CTPS2: variants seen among roughly 807,000 people sequenced by gnomAD.
The protein encoded by CTPS2 is CTP synthase II.
Under a neutral mutation model 46.8 loss-of-function variants are expected in CTPS2, and 19 were observed. The ratio of observed to expected loss-of-function variants is 0.41; its 90% CI spans 0.28 to 0.60. CTPS2 has a LOEUF of 0.60. Ranked by LOEUF, CTPS2 falls within the 20% of genes least tolerant of loss-of-function variation. The pLI is 0.35. For missense variants in CTPS2, 286 were observed against 447.6 expected (o/e 0.64, Z 3.26); for synonymous variants, 151 against 165.2 (o/e 0.91, Z 0.66).
At chrX:16,605,646 C>T (rs975003805) in intron 17 of CTPS2, among the ~76,000 whole-genome samples, 12 of 111,452 alleles carry the variant, frequency 1.1e-4, no homozygotes, top group Non-Finnish European at 1.7e-4. Flanking sequence ...TGCTTGAACC[C>T]GGGAGGTGGA....
Position 16,628,531 on chromosome X carries a change from A to G in CTPS2, c.1394-8199T>C, listed in dbSNP as rs142897350. Among the ~76,000 whole-genome samples the G allele has an allele frequency of 3.4e-3, 378 of 109,953 alleles. 1 individual carries two copies. Among genetic ancestry groups the G allele is most frequent in the African/African-American group, 0.011 (345 of 30,162 alleles). On this transcript the variant is annotated intron_variant, in intron 14 of 18. Transcript: ENST00000359276. The stretch of plus-strand genomic sequence containing the variant: ...CAGGCATGCACCATCACGCCTGGCT[A>G]ATTTTTGTAGTTTTAGTAGAGACGG...
chrX:16,672,657 TA>T (rs1921849791), intron 10 of CTPS2, among the ~76,000 whole-genome samples: 1 of 110,987 alleles, frequency 9.0e-6, no homozygotes. Flanking sequence ...TCCTTTGTGT[TA>T]CAGCTTGGCC....
chrX:16,610,886 G>A (rs1228091339), intron 16 of CTPS2, among the ~76,000 whole-genome samples: 1 of 112,243 alleles, frequency 8.9e-6, no homozygotes, highest in East Asian at 2.8e-4. Flanking sequence ...GTCCTTTGCA[G>A]CAACATGGAT....
chrX:16,590,336 A>G lies in CTPS2; in HGVS notation c.*41+416T>C, dbSNP rs530005578. ...TGTAAATAAAATTTTATTGGAACACAGCCATGCTTGTTCACTTACATATTG... is the reference window on the plus strand; with the variant it reads ...TGTAAATAAAATTTTATTGGAACACGGCCATGCTTGTTCACTTACATATTG... On this transcript the variant is annotated intron_variant, in intron 18 of 18. Coordinates refer to ENST00000359276, the MANE Select transcript of CTPS2 (RefSeq NM_175859.3). Among the ~76,000 whole-genome samples, 39 of 112,168 alleles carry G rather than the reference A, an allele frequency of 3.5e-4. No individual in the cohort carries two copies. In the South Asian group the frequency reaches 0.013, roughly 36 times the overall value.
At chrX:16,707,590 C>A (rs1569241183) in intron 1 of CTPS2, among the ~76,000 whole-genome samples, 1 of 111,568 alleles carries the variant, frequency 9.0e-6, no homozygotes, top group Non-Finnish European at 1.9e-5. Context: ...AGGAGGATTG[C>A]TTGAGCCCAG....
At chrX:16,597,342 C>T (rs1929346936) in intron 17 of CTPS2, among the ~76,000 whole-genome samples, 1 of 112,012 alleles carries the variant, frequency 8.9e-6, no homozygotes, top group South Asian at 3.7e-4. Flanking sequence ...ACGTTTAAGT[C>T]TTTAATCCAT....
intron 17 of CTPS2, among the ~76,000 whole-genome samples, chrX:16,604,638 GAAAC>G (rs1276956800): frequency 1.5e-4 from 13 of 88,266 alleles, no homozygotes; most frequent in Non-Finnish European, 2.9e-4. Context: ...ACCAGCCTGA[GAAAC>G]AAAAAAAAAA....
intron 13 of CTPS2, chrX:16,651,166 C>G: frequency 2.2e-6 from 1 of 462,669 alleles, no homozygotes; most frequent in African/African-American, 2.6e-5. Context: ...GCAGAGCCCA[C>G]TTAATGGGAC....
intron 17 of CTPS2, among the ~76,000 whole-genome samples, chrX:16,602,814 T>C (rs1929740775): frequency 8.9e-6 from 1 of 112,163 alleles, no homozygotes; most frequent in Admixed American, 9.5e-5. Context: ...AATTGGCTTT[T>C]CTTTTTTCTT....
intron 14 of CTPS2, among the ~76,000 whole-genome samples, chrX:16,632,428 C>CT (rs772290027): frequency 0.035 from 3,630 of 103,606 alleles, 82 homozygotes; most frequent in Non-Finnish European, 0.054. Context: ...TTCTTTCTTT[C>CT]TTTTTTTTTT....
intron 13 of CTPS2, among the ~76,000 whole-genome samples, chrX:16,662,380 T>A (rs1457101207): frequency 2.7e-5 from 3 of 111,734 alleles, no homozygotes; most frequent in African/African-American, 9.8e-5. Context: ...ACCTTAACCC[T>A]TAGGGAAAAA....
At chrX:16,648,225 G>A (rs951928518) in intron 13 of CTPS2, among the ~76,000 whole-genome samples, 19 of 112,330 alleles carry the variant, frequency 1.7e-4, no homozygotes, top group African/African-American at 5.2e-4. Flanking sequence ...GAGATTTGAC[G>A]TGGGCTATGA....
intron 15 of CTPS2, among the ~76,000 whole-genome samples, chrX:16,618,340 G>A (rs776495676): frequency 1.8e-5 from 2 of 111,870 alleles, no homozygotes; most frequent in African/African-American, 3.3e-5. Context: ...TTATCTATTC[G>A]CCAGTTGGTA....
intron 8 of CTPS2, among the ~76,000 whole-genome samples, chrX:16,686,449 A>T (rs1923214889): frequency 8.9e-6 from 1 of 111,828 alleles, no homozygotes; most frequent in South Asian, 3.7e-4. Flanking sequence ...AAACCTGTGA[A>T]TGTGACCTTG....
At chrX:16,681,582 G>A (rs1335583582) in intron 9 of CTPS2, among the ~76,000 whole-genome samples, 4 of 111,635 alleles carry the variant, frequency 3.6e-5, no homozygotes, top group African/African-American at 1.3e-4. Flanking sequence ...GTCTCAATCT[G>A]TCACCCAGGC....
rs774353905 is a variant in CTPS2 at position 16,674,661 on chromosome X, A to T, written c.1094+3701T>A. On this transcript the variant is annotated intron_variant, in intron 10 of 18. Transcript: ENST00000359276. Reference sequence around the variant, plus strand: ...AGACCATCCTGGCTAACACGGTGAAACCCCGTCTCTACTAAAAATACAAAA... The same window carrying T: ...AGACCATCCTGGCTAACACGGTGAATCCCCGTCTCTACTAAAAATACAAAA... 4.0e-5 allele frequency among the ~76,000 whole-genome samples: 4 copies of T among 100,640 alleles called. No homozygotes were observed. In the South Asian group the frequency reaches 2.1e-3, roughly 52 times the overall value. 87.4% of individuals were successfully genotyped at this position (100,640 alleles called of 115,157 possible).
At chrX:16,657,931 C>T (rs1245291363) in intron 13 of CTPS2, among the ~76,000 whole-genome samples, 1 of 111,718 alleles carries the variant, frequency 9.0e-6, no homozygotes. Flanking sequence ...GGTGGCCGGG[C>T]GCAGTGGCTC....
At chrX:16,605,354 G>A (rs1039425204) in intron 17 of CTPS2, among the ~76,000 whole-genome samples, 1 of 111,820 alleles carries the variant, frequency 8.9e-6, no homozygotes, top group Non-Finnish European at 1.9e-5. Flanking sequence ...ACGTGCAAAT[G>A]AATTTCTCCA....
At chrX:16,686,595 T>C (rs1261163494) in intron 8 of CTPS2, among the ~76,000 whole-genome samples, 1 of 112,353 alleles carries the variant, frequency 8.9e-6, no homozygotes, top group African/African-American at 3.2e-5. Context: ...GAGAAGGTGA[T>C]GTGAAGATGG....
Sources: gnomAD v4.1 joint callset for allele counts (sites outside exome capture counted in the v4.1 genomes callset) on GRCh38, gnomAD v4.1.1 for gene constraint, MANE v1.5 for transcripts, NCBI Gene and HGNC (gene_info 2026-07-23, HGNC 2026-07-21) for gene names.